TMEM40: variants seen among roughly 807,000 people sequenced by gnomAD.
The protein encoded by TMEM40 is transmembrane protein 40.
Under a neutral mutation model 40.8 loss-of-function variants are expected in TMEM40, and 34 were observed. The ratio of observed to expected loss-of-function variants is 0.83; its 90% CI spans 0.63 to 1.11. TMEM40 has a LOEUF of 1.11. Among genes scored for constraint, TMEM40 ranks in the 50% least tolerant of loss-of-function variants. The pLI is 0.00. For missense variants in TMEM40, 296 were observed against 280.2 expected, an observed-to-expected ratio of 1.06 and a Z score of -0.40; for synonymous variants, 106 against 107.0, an observed-to-expected ratio of 0.99 and a Z score of 0.06.
At chr3:12,755,233 C>CTCTCTCTCTCTCTTTCTT (rs1553634013) in intron 1 of TMEM40, among the ~76,000 whole-genome samples, 3 of 59,884 alleles carry the variant, frequency 5.0e-5, no homozygotes, top group Non-Finnish European at 6.7e-5. Context: ...CTCTCTCTCT[C>CTCTCTCTCTCTCTTTCTT]TCTTTCTTTC....
intron 1 of TMEM40, among the ~76,000 whole-genome samples, chr3:12,767,960 C>T (rs1427929019): frequency 6.6e-6 from 1 of 152,100 alleles, no homozygotes; most frequent in East Asian, 1.9e-4. Flanking sequence ...ACACTAAGGA[C>T]CATCATTGCC....
intron 1 of TMEM40, chr3:12,769,214 G>A (rs576124762): frequency 1.5e-4 from 58 of 381,562 alleles, no homozygotes; most frequent in African/African-American, 9.6e-4. Context: ...AGTGCTGCGT[G>A]CAGCCCCGGT....
At position 12,748,728 on chromosome 3, in the gene TMEM40, C is replaced by G. The variant is rs199675070; in HGVS notation, c.138G>C (p.Glu46Asp). 73 of 1,614,128 alleles carry G rather than the reference C, an allele frequency of 4.5e-5. No homozygotes were observed. Among genetic ancestry groups the G allele is most frequent in the Admixed American group, 6.7e-5 (4 of 60,010 alleles). The change falls in exon 3 of 12, where the codon GAG becomes GAC. Residue 46 changes from glutamate (E) to aspartate (D), a missense_variant. Coordinates refer to ENST00000314124, the MANE Select transcript of TMEM40 (RefSeq NM_018306.4). ...KAGLFSQEQYERNKSSSSSSS... is the reference protein window; with the variant it reads ...KAGLFSQEQYDRNKSSSSSSS... ...AGGAGGAGGAAGAAGACTTGTTTCTCTCATATTGTTCTTGGGAAAAGAGTC... is the reference window on the plus strand; with the variant it reads ...AGGAGGAGGAAGAAGACTTGTTTCTGTCATATTGTTCTTGGGAAAAGAGTC...
chr3:12,755,182 CCTTCCT>C (rs2061511108), intron 1 of TMEM40, among the ~76,000 whole-genome samples: 1 of 100,212 alleles, frequency 1.0e-5, no homozygotes, highest in African/African-American at 7.3e-5. Flanking sequence ...CTCTCTCTCT[CCTTCCT>C]TCCTTCCTTC....
upstream of TMEM40, among the ~76,000 whole-genome samples, chr3:12,761,841 T>C (rs906848553): frequency 6.6e-6 from 1 of 152,078 alleles, no homozygotes; most frequent in Non-Finnish European, 1.5e-5. Flanking sequence ...GTGCTGTGAG[T>C]GTAAAATAAC....
chr3:12,735,484 C>G (rs1463799916), intron 11 of TMEM40, 71 bp downstream of exon 11: 1 of 1,502,800 alleles, frequency 6.7e-7, no homozygotes, highest in Non-Finnish European at 9.2e-7. Context: ...TTCCTGTATG[C>G]TAAGCCTCTT....
In TMEM40 at chr3:12,752,948, C is replaced by G. The variant is rs148892329; in HGVS notation, c.-8-3108G>C. On this transcript the variant is annotated intron_variant, in intron 1 of 11. Coordinates refer to ENST00000314124, the MANE Select transcript of TMEM40 (RefSeq NM_018306.4). ...CTTCTCAGGACCCTGACACTGGCAC[C>G]AGGAAAGAGGACACACTAACAGTCA... Among the ~76,000 whole-genome samples the G allele has an allele frequency of 6.4e-4, 98 of 152,242 alleles. No homozygotes were observed. In the South Asian group the frequency reaches 6.6e-3, roughly 10 times the overall value.
chr3:12,749,562 T>C (rs182730167), intron 2 of TMEM40, among the ~76,000 whole-genome samples, 198 bp downstream of exon 2: 1 of 152,178 alleles, frequency 6.6e-6, no homozygotes, highest in Non-Finnish European at 1.5e-5. Flanking sequence ...AGGGTCCCCA[T>C]AGCTAGACAG....
chr3:12,738,633 G>T (rs189885436), intron 5 of TMEM40, 45 bp from the exon 6 acceptor site: 757 of 1,600,296 alleles, frequency 4.7e-4, no homozygotes, highest in Non-Finnish European at 5.7e-4. Flanking sequence ...TGATCCTCTG[G>T]GGGGGGAGAA....
At chr3:12,742,421 T>C in intron 5 of TMEM40, 33 bp downstream of exon 5, 1 of 1,609,254 alleles carries the variant, frequency 6.2e-7, no homozygotes, top group Non-Finnish European at 8.5e-7. Context: ...TTCGTCTAAT[T>C]GTTTTCTCCA....
rs373595097 is a variant in TMEM40, at chr3:12,738,550, C to G, written c.391+3G>C. 3 of 1,613,990 alleles carry G rather than the reference C, an allele frequency of 1.9e-6. No homozygotes were observed. The African/African-American group carries it at 4.0e-5, about 22-fold the overall frequency. On this transcript the variant is annotated splice_donor_region_variant and intron_variant, in intron 6 of 11. Transcript: ENST00000314124. ...GACCTCTCTCCTCTAACTGGACACT[C>G]ACCTGATTCCCCAGAGGGTACCACC...
At chr3:12,755,229 C>CTTTCTTTCTTTT (rs1373028614) in intron 1 of TMEM40, among the ~76,000 whole-genome samples, 2 of 65,504 alleles carry the variant, frequency 3.1e-5, no homozygotes, top group African/African-American at 1.3e-4. Flanking sequence ...CTCTCTCTCT[C>CTTTCTTTCTTTT]TCTCTCTTTC....
At chr3:12,752,781 C>T (rs935379847) in intron 1 of TMEM40, among the ~76,000 whole-genome samples, 1 of 150,684 alleles carries the variant, frequency 6.6e-6, no homozygotes, top group South Asian at 2.1e-4. Flanking sequence ...CCAGCCTGGG[C>T]GACAGGGCAA....
upstream of TMEM40, among the ~76,000 whole-genome samples, chr3:12,763,159 CAAAAAAAAAAAA>C (rs536186442): frequency 5.3e-5 from 3 of 56,220 alleles, no homozygotes; most frequent in Non-Finnish European, 1.2e-4. Context: ...GACTCTGTCT[CAAAAAAAAAAAA>C]AAAAAAAAAA....
intron 1 of TMEM40, among the ~76,000 whole-genome samples, chr3:12,754,168 C>A (rs111802935): frequency 2.6e-5 from 4 of 151,960 alleles, no homozygotes; most frequent in African/African-American, 9.7e-5. Context: ...AAAAATTAGC[C>A]GGGCATGGTG....
At chr3:12,743,454 C>T (rs934764579) in intron 4 of TMEM40, among the ~76,000 whole-genome samples, 3 of 151,872 alleles carry the variant, frequency 2.0e-5, no homozygotes, top group Admixed American at 1.3e-4. Flanking sequence ...GCAACAAGAG[C>T]GAAACCCTGT....
chr3:12,742,557 A>G (rs774427924), intron 4 of TMEM40, 50 bp from the exon 5 acceptor site: 1 of 1,595,556 alleles, frequency 6.3e-7, no homozygotes, highest in South Asian at 1.1e-5. Flanking sequence ...ACAGTGATCC[A>G]GGCCACTTCC....
In TMEM40 at chr3:12,748,679, A is replaced by T; in HGVS notation, c.187T>A (p.Ser63Thr). ...SSSSSSSSSS[S>T]SSSSSSSESN... ...CCTGAGGAGGAGGAGGATGAAGAAG[A>T]TGAGGAGGATGAGGAGGAAGAGGAG... The change falls in exon 3 of 12, where the codon TCT (serine) becomes ACT (threonine). Residue 63 changes from serine to threonine, a missense_variant. By Grantham distance (58) the Ser-to-Thr change is moderately conservative (BLOSUM62 1). Coordinates refer to ENST00000314124, the MANE Select transcript of TMEM40 (RefSeq NM_018306.4). 5 of 1,612,904 alleles carry T rather than the reference A, an allele frequency of 3.1e-6. No homozygotes were observed. The highest frequency in any genetic ancestry group is 4.2e-6 in the Non-Finnish European group (5 of 1,179,156).
chr3:12,763,540 G>T (rs562571325), upstream of TMEM40, among the ~76,000 whole-genome samples: 5 of 152,180 alleles, frequency 3.3e-5, no homozygotes, highest in Admixed American at 6.6e-5. Flanking sequence ...AGCCAGCTCA[G>T]CAGCTGAGCA....
Sources: gnomAD v4.1 joint callset for allele counts (sites outside exome capture counted in the v4.1 genomes callset) on GRCh38, gnomAD v4.1.1 for gene constraint, MANE v1.5 for transcripts, NCBI Gene and HGNC (gene_info 2026-07-23, HGNC 2026-07-21) for gene names.